GAB2: variants seen among roughly 807,000 people sequenced by gnomAD.
GAB2 encodes the protein GRB2-associated-binding protein 2.
GAB2 carries 26 observed loss-of-function variants against 65.5 expected under a neutral mutation model. The ratio of observed to expected loss-of-function variants is 0.40; its 90% CI spans 0.29 to 0.55. GAB2 has a LOEUF of 0.55. Among genes scored for constraint, GAB2 ranks in the 20% least tolerant of loss-of-function variants. The probability of loss-of-function intolerance (pLI) is 0.53; values close to 1 mark genes in which losing one functional copy is unlikely to be tolerated. For missense variants in GAB2, 884 were observed against 875.8 expected (o/e 1.01, Z -0.12); for synonymous variants, 321 against 329.6 (o/e 0.97, Z 0.28).
At position 78,281,633 on chromosome 11, in the gene GAB2, T is replaced by C. The variant is rs75624733; in HGVS notation, c.76-732A>G. Among the ~76,000 whole-genome samples, 1,290 of 152,322 alleles carry C rather than the reference T, an allele frequency of 8.5e-3. 19 individuals are homozygous for C. The highest frequency in any genetic ancestry group is 0.029 in the African/African-American group (1,217 of 41,568). ...GCAGGTGCCACATGACCTGTCCCCT[T>C]TTCAGATTTCCCAAGTTTCAAAAAT... On this transcript the variant is annotated intron_variant, in intron 1 of 9. Transcript: ENST00000361507.
rs190181605 is a variant in GAB2, at chr11:78,331,124, G to A, written c.76-50223C>T. ...CGGGAGGTGGAGGTTGCAGTCAGCC[G>A]AAATCGCGCCACTGCACTCCAGCCT... On this transcript the variant is annotated intron_variant, in intron 1 of 9. Transcript: ENST00000361507. Among the ~76,000 whole-genome samples the A allele has an allele frequency of 1.6e-4, 24 of 152,006 alleles. No individual in the cohort carries two copies. The East Asian group carries it at 3.7e-3, about 23-fold the overall frequency.
chr11:78,262,135 T>C (rs1026685942), intron 2 of GAB2, among the ~76,000 whole-genome samples: 1 of 152,158 alleles, frequency 6.6e-6, no homozygotes, highest in Non-Finnish European at 1.5e-5. Context: ...ATGGCTAGGC[T>C]AGGATTCAAA....
At chr11:78,332,981 C>T (rs1363097358) in intron 1 of GAB2, among the ~76,000 whole-genome samples, 2 of 152,062 alleles carry the variant, frequency 1.3e-5, no homozygotes, top group Admixed American at 1.3e-4. Context: ...TGGTGTATCC[C>T]CTATAGCAGA....
At position 78,348,844 on chromosome 11, in the gene GAB2, T is replaced by C. The variant is rs181585353; in HGVS notation, c.76-67943A>G. On this transcript the variant is annotated intron_variant, in intron 1 of 9. Coordinates refer to ENST00000361507, the MANE Select transcript of GAB2 (RefSeq NM_080491.3). ...CCAATGTCCATCAATAGGTGGTATA[T>C]CCACACAATGGAATACTACTCAGCA... Among the ~76,000 whole-genome samples the C allele has an allele frequency of 3.1e-3, 473 of 152,286 alleles. 2 individuals are homozygous for C. Among genetic ancestry groups the C allele is most frequent in the Non-Finnish European group, 5.5e-3 (374 of 68,020 alleles).
intron 1 of GAB2, among the ~76,000 whole-genome samples, chr11:78,380,907 G>A (rs552965955): frequency 6.6e-5 from 10 of 152,056 alleles, no homozygotes; most frequent in South Asian, 4.2e-4. Flanking sequence ...TCACTGTAAC[G>A]TATGCACTGG....
intron 1 of GAB2, among the ~76,000 whole-genome samples, chr11:78,406,661 A>T (rs1857049144): frequency 6.6e-6 from 1 of 152,212 alleles, no homozygotes; most frequent in African/African-American, 2.4e-5. Flanking sequence ...TACATGTGTG[A>T]GCCAAAAATG....
chr11:78,357,708 C>T (rs1226885827), intron 1 of GAB2, among the ~76,000 whole-genome samples: 3 of 152,198 alleles, frequency 2.0e-5, no homozygotes, highest in Non-Finnish European at 4.4e-5. Flanking sequence ...TGCTCATCAT[C>T]ACTGGCCAGA....
chr11:78,278,169 G>C (rs777025128), intron 2 of GAB2, among the ~76,000 whole-genome samples: 1 of 149,964 alleles, frequency 6.7e-6, no homozygotes, highest in Non-Finnish European at 1.5e-5. Flanking sequence ...TCCCAGGTTC[G>C]AGCGATTCTT....
chr11:78,220,789 C>A (rs888888706), intron 8 of GAB2, among the ~76,000 whole-genome samples: 1 of 152,208 alleles, frequency 6.6e-6, no homozygotes, highest in Non-Finnish European at 1.5e-5. Context: ...TCCTTTCTAG[C>A]ACATCAGGCC....
intron 2 of GAB2, among the ~76,000 whole-genome samples, chr11:78,259,712 A>G (rs1865684065): frequency 6.6e-6 from 1 of 152,122 alleles, no homozygotes; most frequent in Non-Finnish European, 1.5e-5. Context: ...CCAGTCTCTA[A>G]TTTATCACCA....
At chr11:78,297,084 T>C (rs961106689) in intron 1 of GAB2, among the ~76,000 whole-genome samples, 1 of 152,144 alleles carries the variant, frequency 6.6e-6, no homozygotes, top group Non-Finnish European at 1.5e-5. Context: ...AGTCCATACA[T>C]GGTGAGTATT....
intron 1 of GAB2, among the ~76,000 whole-genome samples, chr11:78,404,438 T>G (rs749628610): frequency 1.6e-4 from 24 of 152,326 alleles, no homozygotes; most frequent in South Asian, 8.3e-4. Flanking sequence ...TCCCAGCTAC[T>G]CAGGAGGATG....
chr11:78,247,901 A>G (rs544129135), intron 3 of GAB2, among the ~76,000 whole-genome samples: 1 of 152,198 alleles, frequency 6.6e-6, no homozygotes, highest in South Asian at 2.1e-4. Context: ...CCTGCTCATT[A>G]CCCTCTCATT....
intron 4 of GAB2, among the ~76,000 whole-genome samples, chr11:78,226,249 G>C (rs1293675205): frequency 1.3e-5 from 2 of 152,134 alleles, no homozygotes; most frequent in Admixed American, 6.5e-5. Context: ...ACTTCTCTGG[G>C]GCTAGCTCTG....
chr11:78,381,067 A>G (rs575387283), intron 1 of GAB2, among the ~76,000 whole-genome samples: 2 of 152,320 alleles, frequency 1.3e-5, no homozygotes, highest in African/African-American at 4.8e-5. Context: ...GTACTCAAAT[A>G]GACTCTACTT....
chr11:78,376,650 G>A (rs1160593117), intron 1 of GAB2, among the ~76,000 whole-genome samples: 2 of 152,096 alleles, frequency 1.3e-5, no homozygotes, highest in African/African-American at 4.8e-5. Context: ...GTAGGATAAG[G>A]CAAGAATAAC....
At chr11:78,397,250 TC>T (rs1404363862) in intron 1 of GAB2, among the ~76,000 whole-genome samples, 1 of 152,214 alleles carries the variant, frequency 6.6e-6, no homozygotes, top group Non-Finnish European at 1.5e-5. Context: ...ACTCTTTTTT[TC>T]GCCAAGGCAA....
chr11:78,292,025 TGTGTGA>T (rs1283813712), intron 1 of GAB2, among the ~76,000 whole-genome samples: 1 of 139,712 alleles, frequency 7.2e-6, no homozygotes, highest in African/African-American at 2.8e-5. Context: ...TGTGTGTGTG[TGTGTGA>T]GAGAGAGAGA....
At chr11:78,266,305 C>T (rs2512529) in intron 2 of GAB2, among the ~76,000 whole-genome samples, 23,765 of 150,126 alleles carry the variant, frequency 0.16, 2,420 homozygotes, top group East Asian at 0.4. Context: ...AGGAATAAGA[C>T]GCGTCCTTAC....
Sources: allele counts gnomAD v4.1 joint callset (sites outside exome capture counted in the v4.1 genomes callset), GRCh38; gene constraint gnomAD v4.1.1; transcripts MANE v1.5; gene names NCBI Gene and HGNC (gene_info 2026-07-23, HGNC 2026-07-21).